The following NLN variants were observed in gnomAD, a reference collection of about 807,000 sequenced individuals.
NLN encodes neurolysin, mitochondrial.
In NLN, 64 loss-of-function variants were observed where a neutral mutation model predicts 79.9. The observed-to-expected ratio is 0.80, with a 90% CI of 0.65 to 0.99. The LOEUF is 0.99. Among genes scored for constraint, NLN ranks in the 50% least tolerant of loss-of-function variants. The pLI is 0.00. For missense variants in NLN, 835 were observed against 858.7 expected (o/e 0.97, Z 0.34); for synonymous variants, 267 against 296.6 (o/e 0.90, Z 1.02).
intron 1 of NLN, among the ~76,000 whole-genome samples, chr5:65,737,037 C>T (rs1354483907): frequency 2.0e-5 from 3 of 152,034 alleles, no homozygotes; most frequent in Non-Finnish European, 4.4e-5. Flanking sequence ...CCTGGGAGGT[C>T]GAAGCTGCAG....
intron 3 of NLN, among the ~76,000 whole-genome samples, chr5:65,774,057 T>TTG (rs1554031855): frequency 6.7e-6 from 1 of 149,382 alleles, no homozygotes; most frequent in African/African-American, 2.4e-5. Flanking sequence ...AATTCAAAGT[T>TTG]TTTTTTTTTT....
Position 65,768,725 on chromosome 5 carries a change from T to C in NLN, c.450+5617T>C, listed in dbSNP as rs745932642. Among the ~76,000 whole-genome samples the C allele has an allele frequency of 7.8e-4, 118 of 152,234 alleles. 9 individuals are homozygous for C. Among genetic ancestry groups the C allele is most frequent in the Non-Finnish European group, 1.9e-4 (13 of 68,038 alleles). ...CTTGCAAATGGCCCCTTCCCTTCCC[T>C]GCTGGCCTTTCCTCAGTGTGTGCAC... On this transcript the variant is annotated intron_variant, in intron 3 of 12. Transcript: ENST00000380985.
rs1313338889 is a variant in NLN, at chr5:65,825,997, G to A, written c.*3082G>A. 1 of 152,110 alleles carries A rather than the reference G, an allele frequency of 6.6e-6. No homozygotes were observed. The highest frequency in any genetic ancestry group is 2.4e-5 in the African/African-American group (1 of 41,424). The allele number at this position is 152,110 out of a possible 1,614,324, so 9.4% of individuals were successfully genotyped here. A position where few individuals can be genotyped will look rare whatever the true frequency, so the allele number is the denominator to read the frequency against. On this transcript the variant is annotated 3_prime_UTR_variant, in exon 13 of 13. Transcript: ENST00000380985. ...CTTCTATAACAAAATATCAGACTGG[G>A]TGGCTTCAAAAGCAGACATTTCTTA... is the stretch of plus-strand genomic sequence containing the variant.
intron 1 of NLN, among the ~76,000 whole-genome samples, chr5:65,743,890 C>T (rs766793072): frequency 3.9e-5 from 6 of 152,144 alleles, no homozygotes; most frequent in Non-Finnish European, 8.8e-5. Context: ...CCATTAAACC[C>T]GTGTACCCAC....
intron 1 of NLN, among the ~76,000 whole-genome samples, chr5:65,754,852 G>A (rs1271186280): frequency 2.0e-5 from 3 of 152,048 alleles, no homozygotes; most frequent in African/African-American, 7.2e-5. Context: ...GTCTCTCCCA[G>A]TCAGCTGAGA....
rs116196133 is a variant in NLN at position 65,776,314 on chromosome 5, T to A, written c.451-1113T>A. Among the ~76,000 whole-genome samples, 1,082 of 152,322 alleles carry A rather than the reference T, an allele frequency of 7.1e-3. 15 individuals carry two copies. Among genetic ancestry groups the A allele is most frequent in the African/African-American group, 0.025 (1,035 of 41,562 alleles). On this transcript the variant is annotated intron_variant, in intron 3 of 12. Transcript: ENST00000380985. ...ATACAGTTGGCTGTATTAAGTAGTA[T>A]TTAGTTAAAATACAACTCTGTTACC...
intron 1 of NLN, among the ~76,000 whole-genome samples, chr5:65,742,418 T>C (rs1758889705): frequency 6.6e-6 from 1 of 152,134 alleles, no homozygotes; most frequent in South Asian, 2.1e-4. Context: ...TGCAATTTTT[T>C]TCAATACAAA....
At chr5:65,723,763 C>T (rs113360091) in intron 1 of NLN, among the ~76,000 whole-genome samples, 1 of 141,298 alleles carries the variant, frequency 7.1e-6, no homozygotes, top group Non-Finnish European at 1.5e-5. Context: ...TGCAGTGAGC[C>T]GAGATCGCAC....
chr5:65,742,057 T>G (rs1758879246), intron 1 of NLN, among the ~76,000 whole-genome samples: 1 of 152,152 alleles, frequency 6.6e-6, no homozygotes, highest in Admixed American at 6.5e-5. Context: ...CATCATACAG[T>G]TTTTCATATG....
chr5:65,725,225 G>GAA (rs1225671068), intron 1 of NLN, among the ~76,000 whole-genome samples: 1 of 152,172 alleles, frequency 6.6e-6, no homozygotes, highest in East Asian at 1.9e-4. Context: ...TTAAGATGAA[G>GAA]AAAATCCCAC....
intron 3 of NLN, among the ~76,000 whole-genome samples, chr5:65,766,712 A>G (rs1759460150): frequency 6.6e-6 from 1 of 152,240 alleles, no homozygotes; most frequent in Non-Finnish European, 1.5e-5. Flanking sequence ...CCTCTGAGAC[A>G]AGGCAAGTCT....
intron 9 of NLN, among the ~76,000 whole-genome samples, chr5:65,796,743 T>C (rs1371948396): frequency 6.6e-6 from 1 of 152,266 alleles, no homozygotes; most frequent in Non-Finnish European, 1.5e-5. Context: ...CCTTTTGTAC[T>C]GACCTAAAAT....
intron 9 of NLN, among the ~76,000 whole-genome samples, chr5:65,803,725 G>A (rs1423310286): frequency 6.6e-6 from 1 of 152,130 alleles, no homozygotes; most frequent in Non-Finnish European, 1.5e-5. Flanking sequence ...AAGAGCACAG[G>A]CATACCTGGG....
chr5:65,723,533 G>C (rs1000610232), intron 1 of NLN, among the ~76,000 whole-genome samples: 1 of 152,098 alleles, frequency 6.6e-6, no homozygotes, highest in Non-Finnish European at 1.5e-5. Flanking sequence ...AGCAATTCTC[G>C]GCCGGGCGCT....
At chr5:65,743,888 C>T (rs1474134188) in intron 1 of NLN, among the ~76,000 whole-genome samples, 2 of 152,184 alleles carry the variant, frequency 1.3e-5, no homozygotes, top group Non-Finnish European at 2.9e-5. Flanking sequence ...TCCCATTAAA[C>T]CCGTGTACCC....
At chr5:65,738,466 A>G (rs1420960859) in intron 1 of NLN, among the ~76,000 whole-genome samples, 2 of 151,352 alleles carry the variant, frequency 1.3e-5, no homozygotes, top group African/African-American at 4.9e-5. Flanking sequence ...CAGTGGTCTC[A>G]GGAGGCTGAG....
chr5:65,792,349 G>T lies in NLN; in HGVS notation c.1326-105G>T, dbSNP rs1327290951. ...CTAAAAGGTAAATTAATGTTTAAAG[G>T]CATCTCTGGTAACAGATATGGCTTA... On this transcript the variant is annotated intron_variant, in intron 8 of 12. Coordinates refer to ENST00000380985, the MANE Select transcript of NLN (RefSeq NM_020726.5). The T allele has an allele frequency of 7.2e-6, 5 of 693,342 alleles. No homozygotes were observed. The East Asian group carries it at 7.6e-5, about 10-fold the overall frequency. 42.9% of individuals were successfully genotyped at this position (693,342 alleles called of 1,614,324 possible). A position where few individuals can be genotyped will look rare whatever the true frequency, so the allele number is the denominator to read the frequency against.
chr5:65,796,257 A>C (rs960480310), intron 9 of NLN, among the ~76,000 whole-genome samples: 2 of 152,184 alleles, frequency 1.3e-5, no homozygotes, highest in African/African-American at 4.8e-5. Flanking sequence ...CCTCTTATCA[A>C]CTTATTATCA....
chr5:65,758,743 A>G lies in NLN; in HGVS notation c.218A>G (p.Asp73Gly). The change falls in exon 2 of 13, where the codon GAT becomes GGT. Residue 73 changes from aspartate (D) to glycine (G), a missense_variant. By Grantham distance (94) the Asp-to-Gly change is moderately conservative. Transcript: ENST00000380985. ...ATTGTGCAGACCAAACAGGTGTACG[A>G]TGCTGTTGGAATGCTCGGTATTGAG... is the stretch of plus-strand genomic sequence containing the variant. ...ELIVQTKQVY[D>G]AVGMLGIEEV... 3.1e-6 allele frequency: 5 copies of G among 1,613,670 alleles called. No homozygotes were observed. Among genetic ancestry groups the G allele is most frequent in the Non-Finnish European group, 4.2e-6 (5 of 1,179,642 alleles).
Sources: gnomAD v4.1 joint callset for allele counts (sites outside exome capture counted in the v4.1 genomes callset) on GRCh38, gnomAD v4.1.1 for gene constraint, MANE v1.5 for transcripts, NCBI Gene and HGNC (gene_info 2026-07-23, HGNC 2026-07-21) for gene names.